Variants in CNTNAP3 observed in about 807,000 individuals in gnomAD.
CNTNAP3 encodes the protein contactin associated protein family member 3.
CNTNAP3 carries 36 observed loss-of-function variants against 92.1 expected under a neutral mutation model. The observed-to-expected ratio is 0.39, with a 90% CI of 0.30 to 0.52. The LOEUF is 0.52. CNTNAP3 is among the 20% of genes least tolerant of loss of function. The pLI is 0.76. For synonymous variants in CNTNAP3, 232 were observed against 422.3 expected, an observed-to-expected ratio of 0.55 and a Z score of 5.53; for missense variants, 534 against 1,069.6, an observed-to-expected ratio of 0.50 and a Z score of 6.98.
chr9:39,103,663 A>C (rs1365173946), intron 16 of CNTNAP3, 81 bp downstream of exon 16: 3 of 1,400,186 alleles, frequency 2.1e-6, no homozygotes, highest in Admixed American at 2.5e-5. Context: ...AATAAGAATG[A>C]AATACTAACA....
intron 14 of CNTNAP3, chr9:39,117,847 G>A (rs1820895659): frequency 1.6e-6 from 1 of 617,478 alleles, no homozygotes; most frequent in South Asian, 2.3e-5. Flanking sequence ...TCCAGTGAGT[G>A]GAAAACTTAA....
intron 14 of CNTNAP3, among the ~76,000 whole-genome samples, chr9:39,114,035 T>C (rs867329540): frequency 0.053 from 7,506 of 141,342 alleles, 240 homozygotes; most frequent in African/African-American, 0.063. Flanking sequence ...CACACATATA[T>C]ACACACACAC....
intron 18 of CNTNAP3, among the ~76,000 whole-genome samples, chr9:39,089,971 G>A (rs563859376): frequency 5.3e-5 from 8 of 152,004 alleles, no homozygotes; most frequent in African/African-American, 1.4e-4. Flanking sequence ...ACAGAGTCTC[G>A]CTCTGCTGCC....
chr9:39,086,427 C>A, intron 20 of CNTNAP3: 2 of 379,416 alleles, frequency 5.3e-6, no homozygotes, highest in Non-Finnish European at 9.2e-6. Context: ...AGAGAACATT[C>A]CCCTATTGAG....
intron 21 of CNTNAP3, among the ~76,000 whole-genome samples, 163 bp from the exon 22 acceptor site, chr9:39,079,083 C>T (rs1257025244): frequency 6.6e-6 from 1 of 152,122 alleles, no homozygotes; most frequent in Admixed American, 6.5e-5. Flanking sequence ...TGAATCTTTA[C>T]CTGTCTGGCA....
rs1157341930 is a variant in CNTNAP3, at chr9:39,255,142, T to C, written c.196+11754A>G. Among the ~76,000 whole-genome samples, 2 of 22,078 alleles carry C rather than the reference T, an allele frequency of 9.1e-5. 1 individual carries two copies. The highest frequency in any genetic ancestry group is 2.2e-4 in the African/African-American group (2 of 9,172). The allele number at this position is 22,078 out of a possible 152,430, so 14.5% of individuals were successfully genotyped here. A position where few individuals can be genotyped will look rare whatever the true frequency, so the allele number is the denominator to read the frequency against. The stretch of plus-strand genomic sequence containing the variant: ...ATATTATTTAATGTTTGCTTTGTCA[T>C]GGCTCTGAGCTAGATGTTGTGAAAC... On this transcript the variant is annotated intron_variant, in intron 2 of 23. Coordinates refer to ENST00000297668, the MANE Select transcript of CNTNAP3 (RefSeq NM_033655.5).
In CNTNAP3 at chr9:39,118,184, G is replaced by A. The variant is rs775851670; in HGVS notation, c.2156C>T (p.Ala719Val). 4 of 1,611,544 alleles carry A rather than the reference G, an allele frequency of 2.5e-6. No individual in the cohort carries two copies. In the East Asian group the frequency reaches 6.7e-5, roughly 27 times the overall value. Residue 719 changes from alanine to valine, a missense_variant, in exon 14 of 24, where the codon GCT becomes GTT. Ala to Val is a moderately conservative substitution (Grantham distance 64, BLOSUM62 0). Coordinates refer to ENST00000297668, the MANE Select transcript of CNTNAP3 (RefSeq NM_033655.5). ...CTCTAATCCACAAGTACACTTTTGA[G>A]CATCAGGCAGAGAACCTCCCCAGGA... ...HTSWGGSLPDAQKCTCGLEGN... is the reference protein window; with the variant it reads ...HTSWGGSLPDVQKCTCGLEGN...
chr9:39,093,557 T>G (rs1428811330), intron 18 of CNTNAP3, among the ~76,000 whole-genome samples: 1 of 151,326 alleles, frequency 6.6e-6, no homozygotes, highest in Non-Finnish European at 1.5e-5. Flanking sequence ...GCTGGTATCC[T>G]TGAATCTACT....
Position 39,084,194 on chromosome 9 carries a change from G to GTTT in CNTNAP3, c.3442+1539_3442+1541dup, listed in dbSNP as rs201621606. 8.0e-3 allele frequency among the ~76,000 whole-genome samples: 933 copies of GTTT among 116,846 alleles called. 38 individuals carry two copies. Among genetic ancestry groups the GTTT allele is most frequent in the African/African-American group, 0.028 (877 of 31,278 alleles). The allele number at this position is 116,846 out of a possible 152,430, so 76.7% of individuals were successfully genotyped here. On this transcript the variant is annotated intron_variant, in intron 21 of 23. Coordinates refer to ENST00000297668, the MANE Select transcript of CNTNAP3 (RefSeq NM_033655.5). ...ACTGTTCATAGCAGATGCTCACCAA[G>GTTT]TTTTTTTTTTTTTTTTTTTTTTGAG...
intron 15 of CNTNAP3, among the ~76,000 whole-genome samples, chr9:39,105,405 T>C (rs557091486): frequency 1.8e-4 from 27 of 152,252 alleles, no homozygotes; most frequent in South Asian, 4.1e-4. Flanking sequence ...CCAGCCTGGG[T>C]GACAGAGCAA....
rs1463780137 is a variant in CNTNAP3 at position 39,080,475 on chromosome 9, G to C, written c.3443-1555C>G. 2.2e-5 allele frequency among the ~76,000 whole-genome samples: 3 copies of C among 136,452 alleles called. 1 individual carries two copies. The highest frequency in any genetic ancestry group is 2.1e-4 in the Admixed American group (3 of 14,026). 89.5% of individuals were successfully genotyped at this position (136,452 alleles called of 152,430 possible). ...ACTTCTCCTTGTTGTATTTGAAGTT[G>C]AGCTCAGTCTCTTTCCCCAACTGCA... On this transcript the variant is annotated intron_variant, in intron 21 of 23. Transcript: ENST00000297668.
intron 14 of CNTNAP3, among the ~76,000 whole-genome samples, chr9:39,112,842 C>T (rs1389266648): frequency 2.0e-5 from 3 of 152,120 alleles, no homozygotes; most frequent in Admixed American, 6.6e-5. Context: ...GCTAACAGAA[C>T]TAGTTTCTTC....
Position 39,140,566 on chromosome 9 carries a change from T to C in CNTNAP3, c.1829A>G (p.Asp610Gly). The C allele has an allele frequency of 6.2e-7, 1 of 1,613,828 alleles. No homozygotes were observed. Among genetic ancestry groups the C allele is most frequent in the East Asian group, 2.2e-5 (1 of 44,864 alleles). Residue 610 changes from aspartate to glycine, a missense_variant, in exon 12 of 24, where the codon GAT (aspartate) becomes GGT (glycine). By Grantham distance (94) the Asp-to-Gly change is moderately conservative. Transcript: ENST00000297668. ...NPSGLYYIDA[D>G]GSGPLGPFLV... ...AAATGGTCCCAGGGGGCCACTTCCA[T>C]CTGCATCAATATAGTAAAGCCCAGA...
Position 39,073,748 on chromosome 9 carries a change from G to T in CNTNAP3, c.*142C>A, listed in dbSNP as rs1195486733. ...TCAGCCAGGTGACAGCACTGCACCT[G>T]CTTGTGTGCACCCTGATGGCAACAG... On this transcript the variant is annotated 3_prime_UTR_variant, in exon 24 of 24. Coordinates refer to ENST00000297668, the MANE Select transcript of CNTNAP3 (RefSeq NM_033655.5). 5.7e-6 allele frequency: 9 copies of T among 1,575,890 alleles called. No homozygotes were observed. The highest frequency in any genetic ancestry group is 1.7e-5 in the Admixed American group (1 of 59,766).
rs1825555821 is a variant in CNTNAP3 at position 39,068,282 on chromosome 9, G to T, written c.*5608C>A. Among the ~76,000 whole-genome samples, 1 of 152,226 alleles carries T rather than the reference G, an allele frequency of 6.6e-6. No individual in the cohort carries two copies. The highest frequency in any genetic ancestry group is 1.5e-5 in the Non-Finnish European group (1 of 68,038). ...AAAAAAAAAATTAGCTGGGCATGTTGGCTTGTGCCTGTAGTCCCAGCTACT... is the reference window on the plus strand; with the variant it reads ...AAAAAAAAAATTAGCTGGGCATGTTTGCTTGTGCCTGTAGTCCCAGCTACT... On this transcript the variant is annotated 3_prime_UTR_variant, in exon 24 of 24. Transcript: ENST00000297668.
rs1156515061 is a variant in CNTNAP3 at position 39,065,829 on chromosome 9, G to C, written c.*8061C>G. ...TTTTTGCTAATTATTGAGTTGTTAAGAGTTCTTTATGAACTATATTCTGAA... is the reference window on the plus strand; with the variant it reads ...TTTTTGCTAATTATTGAGTTGTTAACAGTTCTTTATGAACTATATTCTGAA... On this transcript the variant is annotated 3_prime_UTR_variant, in exon 24 of 24. Transcript: ENST00000297668. Among the ~76,000 whole-genome samples the C allele has an allele frequency of 3.4e-4, 51 of 152,120 alleles. No homozygotes were observed. The highest frequency in any genetic ancestry group is 1.1e-3 in the African/African-American group (44 of 41,486).
chr9:39,152,838 A>C, intron 9 of CNTNAP3, among the ~76,000 whole-genome samples: 1 of 96,452 alleles, frequency 1.0e-5, no homozygotes, highest in South Asian at 3.6e-4. Context: ...TTTTTTTTGT[A>C]TTTTTTTTCA....
intron 13 of CNTNAP3, among the ~76,000 whole-genome samples, chr9:39,119,291 C>G (rs1820944076): frequency 6.7e-6 from 1 of 149,288 alleles, no homozygotes; most frequent in African/African-American, 2.5e-5. Flanking sequence ...TCAATTATAA[C>G]TCATCCATAG....
chr9:39,087,877 A>G (rs7031348), intron 19 of CNTNAP3, among the ~76,000 whole-genome samples: 35,252 of 151,992 alleles, frequency 0.23, 4,349 homozygotes, highest in East Asian at 0.38. Context: ...GTTCAACTGT[A>G]AAAACCTTGC....
Sources: gnomAD v4.1 joint callset for allele counts (sites outside exome capture counted in the v4.1 genomes callset) on GRCh38, gnomAD v4.1.1 for gene constraint, MANE v1.5 for transcripts, NCBI Gene and HGNC (gene_info 2026-07-23, HGNC 2026-07-21) for gene names.